Variants in MAPK6 observed in about 807,000 individuals in gnomAD.
MAPK6 encodes the protein ERK-3.
In MAPK6, 19 loss-of-function variants were observed where a neutral mutation model predicts 59.3. The ratio of observed to expected loss-of-function variants is 0.32; its 90% CI spans 0.22 to 0.47. The LOEUF (loss-of-function observed/expected upper bound fraction) is 0.47. MAPK6 is among the 20% of genes least tolerant of loss of function. The pLI is 1.00. For synonymous variants in MAPK6, 316 were observed against 290.3 expected (o/e 1.09, Z -0.90); for missense variants, 724 against 847.9 (o/e 0.85, Z 1.81).
At chr15:51,981,472 A>C (rs2433218) in intron 1 of MAPK6, among the ~76,000 whole-genome samples, 7,252 of 65,704 alleles carry the variant, frequency 0.11, 389 homozygotes, top group Admixed American at 0.21. Context: ...ACTCCGTCTC[A>C]AAAAAAAAAA....
At chr15:52,031,434 ATATTTTGCC>A (rs769087563) in intron 1 of MAPK6, among the ~76,000 whole-genome samples, 18 of 152,358 alleles carry the variant, frequency 1.2e-4, no homozygotes, top group African/African-American at 2.4e-4. Context: ...AATAAAGATT[ATATTTTGCC>A]TATTTTGCCT....
chr15:52,035,017 A>G (rs561548984), intron 1 of MAPK6, among the ~76,000 whole-genome samples: 1 of 152,138 alleles, frequency 6.6e-6, no homozygotes, highest in African/African-American at 2.4e-5. Flanking sequence ...ATCTCTTCAT[A>G]TGCTCCTGCT....
Position 52,061,344 on chromosome 15 carries a change from G to A in MAPK6, c.911G>A (p.Arg304Gln), listed in dbSNP as rs1383832953. ...ATTTTGACATTTAGCCCCATGGATC[G>A]GTTAACAGCAGAAGAAGCACTCTCC... Reference protein sequence around the residue: ...EQILTFSPMDRLTAEEALSHP... With the variant: ...EQILTFSPMDQLTAEEALSHP... Residue 304 changes from arginine to glutamine, a missense_variant, in exon 5 of 6, where the codon CGG becomes CAG. Coordinates refer to ENST00000261845, the MANE Select transcript of MAPK6 (RefSeq NM_002748.4). 6 of 1,613,946 alleles carry A rather than the reference G, an allele frequency of 3.7e-6. No homozygotes were observed. Among genetic ancestry groups the A allele is most frequent in the African/African-American group, 2.7e-5 (2 of 74,890 alleles).
At position 52,047,010 on chromosome 15, in the gene MAPK6, C is replaced by T. The variant is rs758783352; in HGVS notation, c.550C>T (p.His184Tyr). 6.4e-7 allele frequency: 1 copy of T among 1,558,338 alleles called. No homozygotes were observed. The highest frequency in any genetic ancestry group is 1.4e-5 in the African/African-American group (1 of 73,118). Residue 184 changes from histidine (H) to tyrosine (Y), a missense_variant, in exon 2 of 6, where the codon CAT becomes TAT. His to Tyr is a moderately conservative substitution (Grantham distance 83). Transcript: ENST00000261845. Reference protein sequence around the residue: ...LARIMDPHYSHKGHLSEGLVT... With the variant: ...LARIMDPHYSYKGHLSEGLVT... Reference sequence around the variant, plus strand: ...ACGGATCATGGATCCTCATTATTCCCATAAGGTATGTATAGAAAGCCAGCT... The same window carrying T: ...ACGGATCATGGATCCTCATTATTCCTATAAGGTATGTATAGAAAGCCAGCT...
intron 2 of MAPK6, among the ~76,000 whole-genome samples, chr15:51,992,347 G>C (rs1007652537): frequency 6.8e-6 from 1 of 146,170 alleles, no homozygotes; most frequent in Admixed American, 7.0e-5. Flanking sequence ...TCTAGCCCAG[G>C]CTGGAGTGCA....
intron 1 of MAPK6, among the ~76,000 whole-genome samples, chr15:52,041,545 C>T (rs955195604): frequency 2.6e-5 from 4 of 152,154 alleles, no homozygotes; most frequent in African/African-American, 4.8e-5. Context: ...GAGATAATGG[C>T]AATTAATAGT....
intron 1 of MAPK6, among the ~76,000 whole-genome samples, chr15:52,029,990 C>G (rs566515128): frequency 1.5e-4 from 23 of 152,318 alleles, no homozygotes; most frequent in Admixed American, 1.4e-3. Flanking sequence ...TTATGAGATT[C>G]AGAATCCTGC....
At chr15:51,983,972 C>A (rs2057182515) in intron 2 of MAPK6, among the ~76,000 whole-genome samples, 1 of 148,010 alleles carries the variant, frequency 6.8e-6, no homozygotes, top group African/African-American at 2.6e-5. Flanking sequence ...GGTGAAAGAG[C>A]AAGATACTGT....
intron 1 of MAPK6, among the ~76,000 whole-genome samples, chr15:52,043,018 G>T (rs1184610998): frequency 2.0e-5 from 3 of 152,082 alleles, no homozygotes; most frequent in Admixed American, 6.6e-5. Context: ...CAGCTACTTG[G>T]GGGGCTGAGG....
intron 1 of MAPK6, chr15:52,042,845 C>T (rs1234503419): frequency 1.3e-5 from 2 of 152,274 alleles, no homozygotes; most frequent in East Asian, 3.9e-4. Flanking sequence ...TAAGCGTGAA[C>T]AAGCATTCTA....
chr15:52,048,585 G>A (rs2031671529), intron 2 of MAPK6, among the ~76,000 whole-genome samples: 1 of 152,256 alleles, frequency 6.6e-6, no homozygotes, highest in South Asian at 2.1e-4. Context: ...TCCAGCCTGG[G>A]CAACAGGAGC....
At chr15:52,010,368 C>T (rs2030018047) in intron 3 of MAPK6, among the ~76,000 whole-genome samples, 1 of 150,184 alleles carries the variant, frequency 6.7e-6, no homozygotes, top group African/African-American at 2.5e-5. Context: ...ACAGGTGCCA[C>T]CACACCCAGC....
chr15:52,058,535 C>G (rs78586088), intron 3 of MAPK6, 98 bp from the exon 4 acceptor site: 14,966 of 997,148 alleles, frequency 0.015, 164 homozygotes, highest in Non-Finnish European at 0.016. Context: ...AACTTTTCCC[C>G]CCACTGGTCA....
At chr15:52,014,556 A>C (rs2030178232), upstream of MAPK6, among the ~76,000 whole-genome samples, 1 of 151,982 alleles carries the variant, frequency 6.6e-6, no homozygotes, top group African/African-American at 2.4e-5. Flanking sequence ...TACAAAAAAT[A>C]ATTAGCCAGG....
Position 52,058,596 on chromosome 15 carries a change from TGAGG to T in MAPK6, c.701-36_701-33del, listed in dbSNP as rs751041833. ...TGTTTATTGTGAAATAAGTAAACAT[TGAGG>T]AATGTGTTTTTTTGTTTGTTTTTTA... On this transcript the variant is annotated intron_variant, in intron 3 of 5. Coordinates refer to ENST00000261845, the MANE Select transcript of MAPK6 (RefSeq NM_002748.4). The T allele has an allele frequency of 1.3e-5, 20 of 1,531,814 alleles. No homozygotes were observed. The East Asian group carries it at 4.7e-4, about 36-fold the overall frequency. 94.9% of individuals were successfully genotyped at this position (1,531,814 alleles called of 1,614,324 possible).
In MAPK6 at chr15:52,030,611, C is replaced by CTTTTTTTTTTT. The variant is rs11295636; in HGVS notation, c.-632+11255_-632+11265dup. 2.0e-4 allele frequency among the ~76,000 whole-genome samples: 7 copies of CTTTTTTTTTTT among 35,742 alleles called. 1 individual carries two copies. Among genetic ancestry groups the CTTTTTTTTTTT allele is most frequent in the East Asian group, 1.9e-3 (2 of 1,034 alleles). 23.4% of individuals were successfully genotyped at this position (35,742 alleles called of 152,430 possible). Reference sequence around the variant, plus strand: ...TGTGTTTTAGTTATGCAGAAGAAGGCTTTTTTTTTTTTTTTTTTTTTTTTT... The same window carrying CTTTTTTTTTTT: ...TGTGTTTTAGTTATGCAGAAGAAGGCTTTTTTTTTTTTTTTTTTTTTTTTTTTTTTTTTTTT... On this transcript the variant is annotated intron_variant, in intron 1 of 5. Coordinates refer to ENST00000261845, the MANE Select transcript of MAPK6 (RefSeq NM_002748.4).
rs776677162 is a variant in MAPK6, at chr15:52,064,112, A to G, written c.1278A>G (p.Gln426=). 1.8e-5 allele frequency: 29 copies of G among 1,611,950 alleles called. No individual in the cohort carries two copies. Among genetic ancestry groups the G allele is most frequent in the Non-Finnish European group, 2.2e-5 (26 of 1,178,718 alleles). ...DTNYSTEPCW[Q]YSDHHENKYC... The stretch of plus-strand genomic sequence containing the variant: ...ATTACTCTACTGAGCCTTGTTGGCA[A>G]TACTCAGATCATCATGAAAACAAAT... Residue 426 remains glutamine (Q), a synonymous_variant, in exon 6 of 6, where the codon CAA becomes CAG. Coordinates refer to ENST00000261845, the MANE Select transcript of MAPK6 (RefSeq NM_002748.4).
At chr15:51,982,410 A>G (rs2057177096) in intron 1 of MAPK6, among the ~76,000 whole-genome samples, 1 of 152,234 alleles carries the variant, frequency 6.6e-6, no homozygotes, top group Admixed American at 6.5e-5. Context: ...CAGTATTAAC[A>G]TCCTTAACAG....
intron 2 of MAPK6, among the ~76,000 whole-genome samples, chr15:52,000,663 G>C (rs984234749): frequency 6.6e-6 from 1 of 151,968 alleles, no homozygotes; most frequent in Non-Finnish European, 1.5e-5. Context: ...AAAATTAGCC[G>C]GGCATGGTGC....
Sources: gnomAD v4.1 joint callset for allele counts (sites outside exome capture counted in the v4.1 genomes callset) on GRCh38, gnomAD v4.1.1 for gene constraint, MANE v1.5 for transcripts, NCBI Gene and HGNC (gene_info 2026-07-23, HGNC 2026-07-21) for gene names.